CADM2: variants seen among roughly 807,000 people sequenced by gnomAD.
CADM2 encodes immunoglobulin superfamily member 4D.
A neutral mutation model predicts 49.8 loss-of-function variants in CADM2; 12 were observed. That is an observed-to-expected ratio of 0.24 (90% CI 0.15 to 0.39). The LOEUF is 0.39. CADM2 is among the 10% of genes least tolerant of loss of function. CADM2 has a pLI of 1.00. For synonymous variants in CADM2, 214 were observed against 175.4 expected, an observed-to-expected ratio of 1.22 and a Z score of -1.74; for missense variants, 378 against 492.3, an observed-to-expected ratio of 0.77 and a Z score of 2.20.
At chr3:85,519,790 T>C (rs1308266676) in intron 1 of CADM2, among the ~76,000 whole-genome samples, 2 of 152,064 alleles carry the variant, frequency 1.3e-5, no homozygotes, top group African/African-American at 4.8e-5. Context: ...TCGGAAGAAA[T>C]AGTGAATACT....
intron 5 of CADM2, among the ~76,000 whole-genome samples, chr3:85,897,241 CTTTTTTTTTTTTTTTTTTTTTTTTT>C (rs752550127): frequency 4.4e-5 from 2 of 45,900 alleles, no homozygotes; most frequent in African/African-American, 6.7e-5. Context: ...TAACCTACAT[CTTTTTTTTTTTTTTTTTTTTTTTTT>C]TTTTTTTTTT....
rs542787746 is a variant in CADM2, at chr3:85,617,371, A to G, written c.62-109151A>G. Among the ~76,000 whole-genome samples the G allele has an allele frequency of 5.9e-5, 9 of 152,296 alleles. No homozygotes were observed. In the East Asian group the frequency reaches 1.5e-3, roughly 26 times the overall value. On this transcript the variant is annotated intron_variant, in intron 1 of 9. Transcript: ENST00000383699. ...CAAAGATATTTTAAAGCATACAAATAAACAGCCAGATAAAGCAATACATAG... is the reference window on the plus strand; with the variant it reads ...CAAAGATATTTTAAAGCATACAAATGAACAGCCAGATAAAGCAATACATAG...
At chr3:85,443,776 CTT>C (rs1468980313) in intron 1 of CADM2, among the ~76,000 whole-genome samples, 1 of 152,054 alleles carries the variant, frequency 6.6e-6, no homozygotes, top group East Asian at 1.9e-4. Flanking sequence ...CCCTGGATCT[CTT>C]TTTCCCTTGT....
At chr3:85,102,299 C>A (rs138033738) in intron 1 of CADM2, among the ~76,000 whole-genome samples, 1,678 of 152,156 alleles carry the variant, frequency 0.011, 27 homozygotes, top group African/African-American at 0.039. Flanking sequence ...AATGAACATT[C>A]CCATAAAATC....
chr3:86,045,549 G>A (rs771924350), intron 8 of CADM2, among the ~76,000 whole-genome samples: 23 of 152,248 alleles, frequency 1.5e-4, no homozygotes, highest in Non-Finnish European at 3.1e-4. Flanking sequence ...ATAAGCAGAT[G>A]TTCCTTTAAA....
At chr3:84,991,495 A>G (rs1350845388) in intron 1 of CADM2, among the ~76,000 whole-genome samples, 1 of 152,174 alleles carries the variant, frequency 6.6e-6, no homozygotes, top group Non-Finnish European at 1.5e-5. Context: ...TCAATAACAA[A>G]TCCTAGGAAA....
intron 2 of CADM2, among the ~76,000 whole-genome samples, chr3:85,759,418 C>G (rs999602197): frequency 6.6e-6 from 1 of 152,032 alleles, no homozygotes; most frequent in South Asian, 2.1e-4. Context: ...CAATGCAACA[C>G]AAACACAATA....
chr3:85,738,790 C>T lies in CADM2; in HGVS notation c.88+12242C>T, dbSNP rs115075856. ...TAAGAGATATACTAAAAGAGCATTT[C>T]TTATCATCTTTATTTGTTCTATTTT... On this transcript the variant is annotated intron_variant, in intron 2 of 9. Transcript: ENST00000383699. Among the ~76,000 whole-genome samples the T allele has an allele frequency of 1.7e-3, 256 of 152,218 alleles. 1 individual carries two copies. The highest frequency in any genetic ancestry group is 5.7e-3 in the African/African-American group (238 of 41,558).
chr3:85,991,458 A>C (rs976016109), intron 8 of CADM2, among the ~76,000 whole-genome samples: 12 of 152,214 alleles, frequency 7.9e-5, no homozygotes, highest in African/African-American at 2.9e-4. Flanking sequence ...GAGATCAGTT[A>C]TCAAATAAAT....
At chr3:85,976,244 A>G (rs984579067) in intron 8 of CADM2, among the ~76,000 whole-genome samples, 2 of 151,530 alleles carry the variant, frequency 1.3e-5, no homozygotes, top group Non-Finnish European at 3.0e-5. Context: ...CTTTTCATTA[A>G]CAGTGTAAGA....
chr3:85,215,852 A>G (rs1234042571), intron 1 of CADM2, among the ~76,000 whole-genome samples: 1 of 152,048 alleles, frequency 6.6e-6, no homozygotes, highest in East Asian at 1.9e-4. Flanking sequence ...ATGGGGCAAC[A>G]CTGAGTTGTG....
chr3:85,614,024 ATGTACT>A (rs1287423668), intron 1 of CADM2, among the ~76,000 whole-genome samples: 14 of 151,696 alleles, frequency 9.2e-5, no homozygotes, highest in African/African-American at 3.4e-4. Flanking sequence ...TAGCTGAGTG[ATGTACT>A]TGTAAGAATG....
At chr3:85,506,917 C>G (rs1280875776) in intron 1 of CADM2, among the ~76,000 whole-genome samples, 2 of 151,886 alleles carry the variant, frequency 1.3e-5, no homozygotes, top group African/African-American at 4.8e-5. Flanking sequence ...TGTTATAGTC[C>G]CAAAAATAAA....
chr3:85,196,808 T>C (rs189507404), intron 1 of CADM2, among the ~76,000 whole-genome samples: 2 of 152,134 alleles, frequency 1.3e-5, no homozygotes, highest in Admixed American at 1.3e-4. Flanking sequence ...ATCACAAGTT[T>C]TTAGGAGAAT....
chr3:85,000,302 A>AT (rs2033399673), intron 1 of CADM2, among the ~76,000 whole-genome samples: 1 of 150,446 alleles, frequency 6.6e-6, no homozygotes, highest in African/African-American at 2.4e-5. Flanking sequence ...TTGCCTTTTT[A>AT]TTTTTTGTAG....
chr3:85,273,893 G>A (rs1345426080), intron 1 of CADM2, among the ~76,000 whole-genome samples: 1 of 151,392 alleles, frequency 6.6e-6, no homozygotes, highest in Admixed American at 6.6e-5. Context: ...TCCAGTCTGT[G>A]CTCTTGGACA....
At chr3:85,852,757 T>A (rs1033544548) in intron 3 of CADM2, among the ~76,000 whole-genome samples, 2 of 152,066 alleles carry the variant, frequency 1.3e-5, no homozygotes, top group African/African-American at 2.4e-5. Flanking sequence ...ATCATCATAC[T>A]TTGCACATAT....
At chr3:86,046,989 G>T (rs553824113) in intron 8 of CADM2, among the ~76,000 whole-genome samples, 1 of 150,660 alleles carries the variant, frequency 6.6e-6, no homozygotes, top group South Asian at 2.1e-4. Context: ...TCAAAATTTG[G>T]GTATTCTATA....
chr3:85,387,963 G>A (rs2034324852), intron 1 of CADM2, among the ~76,000 whole-genome samples: 1 of 152,086 alleles, frequency 6.6e-6, no homozygotes, highest in Non-Finnish European at 1.5e-5. Flanking sequence ...TAGATTATCT[G>A]CATAAAAGAA....
Sources: gnomAD v4.1 joint callset for allele counts (sites outside exome capture counted in the v4.1 genomes callset) on GRCh38, gnomAD v4.1.1 for gene constraint, MANE v1.5 for transcripts, NCBI Gene and HGNC (gene_info 2026-07-23, HGNC 2026-07-21) for gene names.